The following B3GALT1 variants were observed in gnomAD, a reference collection of about 807,000 sequenced individuals.
The protein encoded by B3GALT1 is UDP-Gal:betaGlcNAc beta 1,3-galactosyltransferase, polypeptide 1.
A neutral mutation model predicts 23.2 loss-of-function variants in B3GALT1; 10 were observed. That is an observed-to-expected ratio of 0.43 (90% CI 0.27 to 0.73). The LOEUF (loss-of-function observed/expected upper bound fraction) is 0.73, where lower values mean the gene tolerates loss of function less well. Among genes scored for constraint, B3GALT1 ranks in the 30% least tolerant of loss-of-function variants. The pLI is 0.21. For missense variants in B3GALT1, 299 were observed against 405.4 expected (o/e 0.74, Z 2.25); for synonymous variants, 156 against 141.5 (o/e 1.10, Z -0.73).
chr2:167,527,240 A>G (rs1229784494), intron 2 of B3GALT1, among the ~76,000 whole-genome samples: 1 of 152,068 alleles, frequency 6.6e-6, no homozygotes, highest in African/African-American at 2.4e-5. Context: ...GCAACCAACC[A>G]TATCAATGAT....
At chr2:167,680,635 G>A (rs566820088) in intron 3 of B3GALT1, among the ~76,000 whole-genome samples, 2 of 152,096 alleles carry the variant, frequency 1.3e-5, no homozygotes, top group East Asian at 3.9e-4. Flanking sequence ...CTAGCTATTT[G>A]TGATTCATGT....
intron 2 of B3GALT1, among the ~76,000 whole-genome samples, chr2:167,589,744 C>T (rs916942643): frequency 2.6e-5 from 4 of 151,944 alleles, no homozygotes; most frequent in Admixed American, 6.6e-5. Flanking sequence ...TCACCGTTAC[C>T]TACTTTATAT....
intron 3 of B3GALT1, among the ~76,000 whole-genome samples, chr2:167,771,083 A>G (rs546401009): frequency 1.3e-5 from 2 of 152,190 alleles, no homozygotes; most frequent in Non-Finnish European, 2.9e-5. Flanking sequence ...TGCTGGCTGT[A>G]TGTCCTTGGG....
intron 3 of B3GALT1, among the ~76,000 whole-genome samples, chr2:167,680,857 A>T (rs1316915215): frequency 6.6e-6 from 1 of 152,240 alleles, no homozygotes; most frequent in Non-Finnish European, 1.5e-5. Flanking sequence ...AAATAAAATG[A>T]CATGCAATGT....
chr2:167,848,600 A>G (rs1444665767), intron 4 of B3GALT1, among the ~76,000 whole-genome samples: 3 of 152,192 alleles, frequency 2.0e-5, no homozygotes, highest in African/African-American at 4.8e-5. Context: ...ACCTCAATGT[A>G]ATAAAAGCCA....
chr2:167,574,864 C>T (rs1684355422), intron 2 of B3GALT1, among the ~76,000 whole-genome samples: 1 of 151,712 alleles, frequency 6.6e-6, no homozygotes, highest in South Asian at 2.1e-4. Flanking sequence ...ATTCTGGCAA[C>T]AGTGATGTCT....
chr2:167,669,213 A>C (rs2105481589), intron 3 of B3GALT1, among the ~76,000 whole-genome samples: 1 of 152,328 alleles, frequency 6.6e-6, no homozygotes, highest in East Asian at 1.9e-4. Context: ...AAGCTTCATA[A>C]GGGCTATTGA....
chr2:167,869,120 C>A lies in B3GALT1; in HGVS notation c.81C>A (p.Arg27=). 1 of 1,614,126 alleles carries A rather than the reference C, an allele frequency of 6.2e-7. No homozygotes were observed. ...CTCTCTGGTACTTGAGTATAACTCG[C>A]CCTACTTCTTCTTACACTGGCTCCA... is the stretch of plus-strand genomic sequence containing the variant. ...ASALWYLSIT[R]PTSSYTGSKP... Residue 27 remains arginine (R), a synonymous_variant, in exon 5 of 5, where the codon CGC becomes CGA. Coordinates refer to ENST00000392690, the MANE Select transcript of B3GALT1 (RefSeq NM_020981.4). This position sits in a 1 kb window ranked among gnomAD's most constrained non-coding sequence, Gnocchi z 6.4.
intron 1 of B3GALT1, among the ~76,000 whole-genome samples, chr2:167,296,172 C>A (rs1330181849): frequency 6.6e-6 from 1 of 152,218 alleles, no homozygotes; most frequent in African/African-American, 2.4e-5. Flanking sequence ...ACTAAATTCA[C>A]TTCTTGACTT....
chr2:167,316,988 A>G (rs1035217528), intron 1 of B3GALT1, among the ~76,000 whole-genome samples: 4 of 151,990 alleles, frequency 2.6e-5, no homozygotes, highest in Non-Finnish European at 4.4e-5. Flanking sequence ...GTGTTTAACA[A>G]TTTCGAGTTT....
intron 3 of B3GALT1, among the ~76,000 whole-genome samples, chr2:167,702,814 G>T (rs902045065): frequency 1.3e-5 from 2 of 152,140 alleles, no homozygotes; most frequent in Non-Finnish European, 2.9e-5. Flanking sequence ...CCCCAGTCTT[G>T]TGCATAGTTT....
chr2:167,576,013 A>AAATCCATAT (rs1279088740), intron 2 of B3GALT1, among the ~76,000 whole-genome samples: 1 of 151,750 alleles, frequency 6.6e-6, no homozygotes, highest in Non-Finnish European at 1.5e-5. Context: ...CCATAAATAA[A>AAATCCATAT]AATCCATATA....
At chr2:167,424,291 C>T (rs1164476436) in intron 1 of B3GALT1, among the ~76,000 whole-genome samples, 4 of 152,118 alleles carry the variant, frequency 2.6e-5, no homozygotes, top group Non-Finnish European at 2.9e-5. Context: ...GGATAACTCT[C>T]ATGCTACAAA....
chr2:167,613,152 C>T (rs973751328), intron 2 of B3GALT1, among the ~76,000 whole-genome samples: 1 of 151,918 alleles, frequency 6.6e-6, no homozygotes, highest in African/African-American at 2.4e-5. Flanking sequence ...TAAATGTTCA[C>T]ATGCTCAGCA....
At chr2:167,794,831 A>G (rs1688515672) in intron 3 of B3GALT1, among the ~76,000 whole-genome samples, 1 of 152,204 alleles carries the variant, frequency 6.6e-6, no homozygotes. Context: ...GCGATTTCTC[A>G]CCTTGCTTTA....
At chr2:167,563,883 C>T (rs1290381765) in intron 2 of B3GALT1, among the ~76,000 whole-genome samples, 23 of 61,594 alleles carry the variant, frequency 3.7e-4, no homozygotes, top group African/African-American at 8.0e-4. Context: ...ATCTGCCGGA[C>T]GGGGCGGCCG....
chr2:167,841,278 C>T (rs763148445), intron 4 of B3GALT1, among the ~76,000 whole-genome samples: 7 of 151,554 alleles, frequency 4.6e-5, no homozygotes, highest in Non-Finnish European at 1.0e-4. Context: ...CCATCTCCTG[C>T]CCCAGGGTGT....
At chr2:167,365,515 A>T (rs894360511) in intron 1 of B3GALT1, among the ~76,000 whole-genome samples, 5 of 151,912 alleles carry the variant, frequency 3.3e-5, no homozygotes, top group Non-Finnish European at 7.4e-5. Context: ...AGTTTGCAAG[A>T]TGCCAAACAG....
chr2:167,820,405 T>C (rs836700), intron 4 of B3GALT1, among the ~76,000 whole-genome samples: 41,459 of 151,928 alleles, frequency 0.27, 6,231 homozygotes, highest in East Asian at 0.62. Context: ...AACTTGGGGC[T>C]ATGGGATGTG....
Sources: gnomAD v4.1 joint callset for allele counts (sites outside exome capture counted in the v4.1 genomes callset) on GRCh38, gnomAD v4.1.1 for gene constraint, Gnocchi (gnomAD v3.1) non-coding constraint, MANE v1.5 for transcripts, NCBI Gene and HGNC (gene_info 2026-07-23, HGNC 2026-07-21) for gene names.